The following MTMR1 variants were observed in gnomAD, a reference collection of about 807,000 sequenced individuals.
MTMR1 encodes the protein phosphatidylinositol-3-phosphate phosphatase MTMR1.
Under a neutral mutation model 51.6 loss-of-function variants are expected in MTMR1, and 17 were observed. That is an observed-to-expected ratio of 0.33 (90% confidence interval 0.23 to 0.49). The LOEUF (loss-of-function observed/expected upper bound fraction) is 0.49. Among genes scored for constraint, MTMR1 ranks in the 20% least tolerant of loss-of-function variants. The probability of loss-of-function intolerance (pLI) is 0.99; values close to 1 mark genes in which losing one functional copy is unlikely to be tolerated. For synonymous variants in MTMR1, 201 were observed against 205.6 expected, an observed-to-expected ratio of 0.98 and a Z score of 0.19; for missense variants, 386 against 526.9, an observed-to-expected ratio of 0.73 and a Z score of 2.62.
In MTMR1 at chrX:150,764,382, T is replaced by G. The variant is rs2043232534; in HGVS notation, c.*1653T>G. The G allele has an allele frequency of 1.8e-5, 2 of 112,480 alleles. No homozygotes were observed. The highest frequency in any genetic ancestry group is 6.5e-5 in the African/African-American group (2 of 30,922). 9.3% of individuals were successfully genotyped at this position (112,480 alleles called of 1,213,427 possible). A position where few individuals can be genotyped will look rare whatever the true frequency, so the allele number is the denominator to read the frequency against. ...CATTTTTTATCATATGTGGGATTTG[T>G]TGCTAAGTCGTGTTCAACAATAGCT... On this transcript the variant is annotated 3_prime_UTR_variant, in exon 16 of 16. Transcript: ENST00000445323.
chrX:150,747,312 A>T (rs2042601216), intron 13 of MTMR1, among the ~76,000 whole-genome samples: 1 of 110,059 alleles, frequency 9.1e-6, no homozygotes, highest in Admixed American at 9.7e-5. Flanking sequence ...AAAATTAGCC[A>T]GGCATGGTGG....
rs186953214 is a variant in MTMR1 at position 150,738,456 on chromosome X, G to T, written c.1473+1008G>T. Among the ~76,000 whole-genome samples the T allele has an allele frequency of 3.0e-3, 336 of 112,216 alleles. 1 individual carries two copies. Among genetic ancestry groups the T allele is most frequent in the Non-Finnish European group, 5.0e-3 (268 of 53,209 alleles). On this transcript the variant is annotated intron_variant, in intron 12 of 15. Coordinates refer to ENST00000445323, the MANE Select transcript of MTMR1 (RefSeq NM_001306144.3). ...CGTGAATGTTAGTATATAAGTTTTT[G>T]CCATAACAAGGTACCACAGACTGCA... is the stretch of plus-strand genomic sequence containing the variant.
intron 2 of MTMR1, among the ~76,000 whole-genome samples, chrX:150,707,742 A>T (rs2041165842): frequency 8.9e-6 from 1 of 112,415 alleles, no homozygotes; most frequent in Admixed American, 9.4e-5. Context: ...AGAGAAATTA[A>T]ATCTTATGTT....
chrX:150,703,404 T>C (rs184919739), intron 2 of MTMR1, among the ~76,000 whole-genome samples: 1 of 112,095 alleles, frequency 8.9e-6, no homozygotes, highest in Non-Finnish European at 1.9e-5. Context: ...TTTATGAAAA[T>C]TAGGACACTA....
intron 12 of MTMR1, among the ~76,000 whole-genome samples, chrX:150,737,792 C>T (rs1283626977): frequency 2.7e-5 from 3 of 111,905 alleles, no homozygotes; most frequent in Admixed American, 9.5e-5. Context: ...TCTGGCCAGG[C>T]GCGGTGGCTC....
chrX:150,736,529 A>G (rs1489254602), intron 10 of MTMR1, 66 bp from the exon 11 acceptor site: 9 of 1,055,707 alleles, frequency 8.5e-6, no homozygotes, highest in Admixed American at 7.2e-5. Flanking sequence ...TCTGTATCTC[A>G]TAGCACTAGA....
chrX:150,702,800 G>A (rs1348727858), intron 2 of MTMR1, among the ~76,000 whole-genome samples: 2 of 111,963 alleles, frequency 1.8e-5, no homozygotes, highest in African/African-American at 6.5e-5. Flanking sequence ...AGCCAAACTT[G>A]TTGAGGTGGT....
At chrX:150,694,087 G>A (rs1395812178) in intron 1 of MTMR1, among the ~76,000 whole-genome samples, 1 of 111,634 alleles carries the variant, frequency 9.0e-6, no homozygotes, top group Non-Finnish European at 1.9e-5. Context: ...GCCTCGTGTG[G>A]TTTTAAGACC....
chrX:150,762,907 A>G lies in MTMR1; in HGVS notation c.*178A>G. Reference sequence around the variant, plus strand: ...CCGTTACCCTCCTGTCAGCGGTTTCACAGGGGAGCCGTCTGTCACGCCCAC... The same window carrying G: ...CCGTTACCCTCCTGTCAGCGGTTTCGCAGGGGAGCCGTCTGTCACGCCCAC... On this transcript the variant is annotated 3_prime_UTR_variant, in exon 16 of 16. Transcript: ENST00000445323. 2.0e-6 allele frequency: 1 copy of G among 501,900 alleles called. No homozygotes were observed. Among genetic ancestry groups the G allele is most frequent in the Non-Finnish European group, 3.0e-6 (1 of 338,631 alleles). The allele number at this position is 501,900 out of a possible 1,213,427, so 41.4% of individuals were successfully genotyped here.
chrX:150,735,557 C>G, intron 10 of MTMR1: 1 of 465,780 alleles, frequency 2.1e-6, no homozygotes, highest in Non-Finnish European at 3.8e-6. Flanking sequence ...TCTTACCTCA[C>G]CTACAGCAGG....
chrX:150,714,376 C>A, intron 3 of MTMR1: 3 of 456,406 alleles, frequency 6.6e-6, no homozygotes, highest in Non-Finnish European at 1.0e-5. Context: ...TACATGCTTA[C>A]TGTCTCCTTA....
intron 1 of MTMR1, among the ~76,000 whole-genome samples, chrX:150,695,282 A>T (rs1234645282): frequency 1.8e-5 from 2 of 112,187 alleles, no homozygotes; most frequent in Non-Finnish European, 3.8e-5. Flanking sequence ...ATGGGGAGCC[A>T]CTGGGGACTT....
Position 150,732,604 on chromosome X carries a change from G to A in MTMR1, c.954G>A (p.Val318=). ...ATITRCSQPL[V]GPNDKRCKED... is the part of the protein sequence containing the mutation. ...TTACCCGTTGCAGCCAGCCACTTGT[G>A]GGTCCCAATGATAAGCGCTGCAAAG... is the stretch of plus-strand genomic sequence containing the variant. The change falls in exon 10 of 16, where the codon GTG becomes GTA. Residue 318 remains valine (V), a synonymous_variant. Coordinates refer to ENST00000445323, the MANE Select transcript of MTMR1 (RefSeq NM_001306144.3). The A allele has an allele frequency of 1.7e-6, 2 of 1,210,966 alleles. No homozygotes were observed. Among genetic ancestry groups the A allele is most frequent in the Non-Finnish European group, 2.2e-6 (2 of 895,071 alleles).
At chrX:150,729,218 C>CCA (rs57306023) in intron 6 of MTMR1, among the ~76,000 whole-genome samples, 49,532 of 99,602 alleles carry the variant, frequency 0.5, 11,012 homozygotes, top group Non-Finnish European at 0.65. Flanking sequence ...ACACACCCAC[C>CCA]CACACACACA....
chrX:150,732,140 T>A (rs1206580607), intron 9 of MTMR1, among the ~76,000 whole-genome samples: 1 of 111,704 alleles, frequency 9.0e-6, no homozygotes, highest in African/African-American at 3.3e-5. Context: ...TCAGATTTTA[T>A]AAGAGACTGT....
intron 15 of MTMR1, among the ~76,000 whole-genome samples, chrX:150,762,226 T>A (rs918794813): frequency 1.8e-5 from 2 of 112,983 alleles, no homozygotes; most frequent in African/African-American, 6.4e-5. Context: ...ACACTGCTCG[T>A]GCCGAGTCTG....
intron 13 of MTMR1, among the ~76,000 whole-genome samples, chrX:150,748,373 TTG>T (rs1557417508): frequency 7.1e-5 from 8 of 111,981 alleles, no homozygotes; most frequent in African/African-American, 2.6e-4. Flanking sequence ...ATTCCTATCC[TTG>T]ATTTAATAAA....
chrX:150,698,620 CGAGCCCAGGAA>C lies in MTMR1; in HGVS notation c.147-574_147-564del, dbSNP rs1569565616. 2.1e-4 allele frequency among the ~76,000 whole-genome samples: 23 copies of C among 108,160 alleles called. No homozygotes were observed. The East Asian group carries it at 5.5e-3, about 26-fold the overall frequency. 93.9% of individuals were successfully genotyped at this position (108,160 alleles called of 115,157 possible). Reference sequence around the variant, plus strand: ...GGGAGGCTAAGGCGGGTGGGTCACTCGAGCCCAGGAATTCGAGACTAGCCTGGGAAACATGG... The same window carrying C: ...GGGAGGCTAAGGCGGGTGGGTCACTCTTCGAGACTAGCCTGGGAAACATGG... On this transcript the variant is annotated intron_variant, in intron 1 of 15. Coordinates refer to ENST00000445323, the MANE Select transcript of MTMR1 (RefSeq NM_001306144.3).
intron 10 of MTMR1, chrX:150,735,584 T>C: frequency 6.7e-6 from 3 of 445,545 alleles, no homozygotes; most frequent in Non-Finnish European, 1.2e-5. Context: ...GAAATTGGAC[T>C]TCTGCCTCAC....
Sources: allele counts gnomAD v4.1 joint callset (sites outside exome capture counted in the v4.1 genomes callset), GRCh38; gene constraint gnomAD v4.1.1; transcripts MANE v1.5; gene names NCBI Gene and HGNC (gene_info 2026-07-23, HGNC 2026-07-21).